Variants in GCN1 observed in about 807,000 individuals in gnomAD.
The protein encoded by GCN1 is GCN1 activator of EIF2AK4.
GCN1 carries 90 observed loss-of-function variants against 288.4 expected under a neutral mutation model. That is an observed-to-expected ratio of 0.31 (90% CI 0.26 to 0.37). The LOEUF is 0.37. Among genes scored for constraint, GCN1 ranks in the 10% least tolerant of loss-of-function variants. The probability of loss-of-function intolerance (pLI) is 1.00; values close to 1 mark genes in which losing one functional copy is unlikely to be tolerated. For missense variants in GCN1, 2,586 were observed against 3,419.9 expected (o/e 0.76, Z 6.08); for synonymous variants, 1,386 against 1,420.2 (o/e 0.98, Z 0.54).
Position 120,131,335 on chromosome 12 carries a change from T to G in GCN1, c.7415-2A>C, listed in dbSNP as rs1876814305. On this transcript the variant is annotated splice_acceptor_variant, in intron 54 of 57. Coordinates refer to ENST00000300648, the MANE Select transcript of GCN1 (RefSeq NM_006836.2). LOFTEE classifies it high-confidence loss of function. ...TCCAGTCAATGCCGGACACGTCCGC[T>G]GGGTGGAAGGACACGACTGGGATCA... 1.2e-6 allele frequency: 2 copies of G among 1,613,622 alleles called. No homozygotes were observed. The highest frequency in any genetic ancestry group is 2.7e-5 in the African/African-American group (2 of 74,932).
At chr12:120,184,584 G>C (rs1030838707) in intron 3 of GCN1, among the ~76,000 whole-genome samples, 1 of 152,162 alleles carries the variant, frequency 6.6e-6, no homozygotes. Flanking sequence ...AACTGTTCCA[G>C]GCACCTCACG....
intron 2 of GCN1, among the ~76,000 whole-genome samples, chr12:120,187,478 AGTGCTGGGATTCCAGGT>A (rs1566321571): frequency 6.6e-6 from 1 of 152,144 alleles, no homozygotes; most frequent in Non-Finnish European, 1.5e-5. Flanking sequence ...GGCCTCCTAA[AGTGCTGGGATTCCAGGT>A]GTGAGCCACC....
chr12:120,135,279 G>A (rs889704224), intron 51 of GCN1, among the ~76,000 whole-genome samples: 1 of 152,120 alleles, frequency 6.6e-6, no homozygotes, highest in Non-Finnish European at 1.5e-5. Flanking sequence ...TAAAAATCCA[G>A]TTCAACCCCT....
intron 12 of GCN1, among the ~76,000 whole-genome samples, chr12:120,174,833 G>A (rs1878427288): frequency 7.0e-6 from 1 of 143,298 alleles, no homozygotes; most frequent in Non-Finnish European, 1.5e-5. Flanking sequence ...CCAGATCACA[G>A]CTCTACTCCT....
At chr12:120,141,123 T>A in intron 44 of GCN1, 100 bp from the exon 45 acceptor site, 1 of 966,196 alleles carries the variant, frequency 1.0e-6, no homozygotes, top group Admixed American at 2.2e-5. Context: ...CCAGGCTTTA[T>A]CTGAATCACT....
At chr12:120,177,609 CAA>C (rs1315490218) in intron 8 of GCN1, 54 bp from the exon 9 acceptor site, 6 of 1,547,132 alleles carry the variant, frequency 3.9e-6, no homozygotes, top group Non-Finnish European at 5.4e-6. Flanking sequence ...GACCAAGAAG[CAA>C]AAAAGAGTTC....
At chr12:120,180,801 A>C (rs1353436888) in intron 5 of GCN1, among the ~76,000 whole-genome samples, 1 of 151,530 alleles carries the variant, frequency 6.6e-6, no homozygotes, top group Non-Finnish European at 1.5e-5. Context: ...ATCCTGGCTA[A>C]CACGGTGAAA....
chr12:120,171,304 A>T (rs935571563), intron 14 of GCN1, among the ~76,000 whole-genome samples: 2 of 151,590 alleles, frequency 1.3e-5, no homozygotes, highest in African/African-American at 4.9e-5. Flanking sequence ...TGTCTCTATT[A>T]AAAAATACAA....
chr12:120,170,417 CTA>C, intron 14 of GCN1, 96 bp from the exon 15 acceptor site: 1 of 1,062,728 alleles, frequency 9.4e-7, no homozygotes. Context: ...AACCAGACGA[CTA>C]AAACCCTTCA....
chr12:120,140,155 GA>G (rs764947114), intron 45 of GCN1, among the ~76,000 whole-genome samples: 17 of 152,166 alleles, frequency 1.1e-4, no homozygotes, highest in Admixed American at 2.6e-4. Flanking sequence ...GGTATCCTAG[GA>G]ATTCAGACAA....
chr12:120,134,791 G>A lies in GCN1; in HGVS notation c.7009-65C>T, dbSNP rs1490741336. Reference sequence around the variant, plus strand: ...AGACCCAAAGCCACAGTGTACCACAGGCATGAGAACAAATGACAATCCCAA... The same window carrying A: ...AGACCCAAAGCCACAGTGTACCACAAGCATGAGAACAAATGACAATCCCAA... On this transcript the variant is annotated intron_variant, in intron 51 of 57. Coordinates refer to ENST00000300648, the MANE Select transcript of GCN1 (RefSeq NM_006836.2). The surrounding 1 kb of genome is among the most constrained non-coding windows in gnomAD (Gnocchi z 5.0). 5.9e-6 allele frequency: 8 copies of A among 1,367,350 alleles called. No homozygotes were observed. In the Admixed American group the frequency reaches 8.6e-5, roughly 15 times the overall value. The allele number at this position is 1,367,350 out of a possible 1,614,324, so 84.7% of individuals were successfully genotyped here.
At chr12:120,130,486 C>T (rs1839415269) in intron 56 of GCN1, among the ~76,000 whole-genome samples, 160 bp downstream of exon 56, 1 of 152,106 alleles carries the variant, frequency 6.6e-6, no homozygotes, top group Non-Finnish European at 1.5e-5. Flanking sequence ...ACACAGAAAC[C>T]CCCTACATTC....
chr12:120,149,661 C>T lies in GCN1; in HGVS notation c.4491G>A (p.Leu1497=). The T allele has an allele frequency of 6.2e-7, 1 of 1,614,048 alleles. No homozygotes were observed. Among genetic ancestry groups the T allele is most frequent in the Non-Finnish European group, 8.5e-7 (1 of 1,180,000 alleles). Residue 1497 remains leucine (L), a synonymous_variant, in exon 36 of 58, where the codon CTG becomes CTA. Transcript: ENST00000300648. ...MSNLSAHGVK[L]VLPSLLAALE... Reference sequence around the variant, plus strand: ...GGGCAGCCAGTAAGGAGGGGAGCACCAGCTTCACCCCGTGAGCACTCAAGT... The same window carrying T: ...GGGCAGCCAGTAAGGAGGGGAGCACTAGCTTCACCCCGTGAGCACTCAAGT...
intron 54 of GCN1, 93 bp from the exon 55 acceptor site, chr12:120,131,426 T>C (rs1473191814): frequency 2.4e-6 from 3 of 1,251,250 alleles, no homozygotes; most frequent in East Asian, 2.3e-5. Context: ...TGGAGACCAG[T>C]GTGCTGACCC....
At chr12:120,183,814 A>G in intron 4 of GCN1, 137 bp from the exon 5 acceptor site, 1 of 634,918 alleles carries the variant, frequency 1.6e-6, no homozygotes, top group South Asian at 1.8e-5. Flanking sequence ...GTTCCCCACA[A>G]ACCATCTGTG....
At chr12:120,130,779 G>T in intron 55 of GCN1, 26 bp from the exon 56 acceptor site, 2 of 1,476,316 alleles carry the variant, frequency 1.4e-6, no homozygotes, top group Non-Finnish European at 9.5e-7. Context: ...AGCGCTAGAC[G>T]GGAGGCCCCC....
rs1878380574 is a variant in GCN1 at position 120,173,698 on chromosome 12, C to A, written c.1321G>T (p.Ala441Ser). The A allele has an allele frequency of 6.2e-7, 1 of 1,613,116 alleles. No homozygotes were observed. Among genetic ancestry groups the A allele is most frequent in the Non-Finnish European group, 8.5e-7 (1 of 1,179,036 alleles). Residue 441 changes from alanine to serine, a missense_variant, in exon 14 of 58, where the codon GCG becomes TCG. Around this residue, in one of 8 missense-constraint regions of GCN1, gnomAD observed 913 missense variants for 1,107.0 expected, o/e 0.82. Coordinates refer to ENST00000300648, the MANE Select transcript of GCN1 (RefSeq NM_006836.2). ...KAFSLKTSTS[A>S]VRHAYLQCML... ...CACTGCAGGTAGGCATGCCTCACCG[C>A]AGATGTGGAGGTTTTAAGGCTGAAA...
At chr12:120,163,004 G>A (rs1192183453) in intron 19 of GCN1, 33 bp from the exon 20 acceptor site, 1 of 1,613,894 alleles carries the variant, frequency 6.2e-7, no homozygotes, top group Non-Finnish European at 8.5e-7. Context: ...GAGGCCTTCT[G>A]CCTGGCCTGC....
intron 2 of GCN1, among the ~76,000 whole-genome samples, chr12:120,187,917 T>C (rs1878874377): frequency 6.6e-6 from 1 of 151,944 alleles, no homozygotes; most frequent in Admixed American, 6.6e-5. Context: ...AACTAGAATT[T>C]ATTGAGTGAA....
Sources: allele counts gnomAD v4.1 joint callset (sites outside exome capture counted in the v4.1 genomes callset), GRCh38; gene constraint gnomAD v4.1.1; regional missense constraint gnomAD v4.1.1; non-coding constraint Gnocchi (gnomAD v3.1); transcripts MANE v1.5; gene names NCBI Gene and HGNC (gene_info 2026-07-23, HGNC 2026-07-21).